The following BRINP1 variants were observed in gnomAD, a reference collection of about 807,000 sequenced individuals.
The protein encoded by BRINP1 is BMP/retinoic acid-inducible neural-specific protein 1.
A neutral mutation model predicts 72.9 loss-of-function variants in BRINP1; 17 were observed. The ratio of observed to expected loss-of-function variants is 0.23; its 90% CI spans 0.16 to 0.35. The LOEUF is 0.35. Ranked by LOEUF, BRINP1 falls within the 10% of genes least tolerant of loss-of-function variation. The probability of loss-of-function intolerance (pLI) is 1.00; values close to 1 mark genes in which losing one functional copy is unlikely to be tolerated. For missense variants in BRINP1, 850 were observed against 1,001.6 expected (o/e 0.85, Z 2.04); for synonymous variants, 418 against 378.5 (o/e 1.10, Z -1.21).
chr9:119,291,228 G>A (rs191697959), intron 2 of BRINP1, among the ~76,000 whole-genome samples: 17 of 152,168 alleles, frequency 1.1e-4, no homozygotes, highest in African/African-American at 4.1e-4. Context: ...CCAGGATAGA[G>A]CCTCCATTGT....
At chr9:119,207,238 G>A (rs1309588090) in intron 7 of BRINP1, among the ~76,000 whole-genome samples, 2 of 152,186 alleles carry the variant, frequency 1.3e-5, no homozygotes, top group African/African-American at 4.8e-5. Context: ...GCACCTCATC[G>A]GGGTAATTAG....
intron 4 of BRINP1, among the ~76,000 whole-genome samples, chr9:119,239,613 C>A (rs893743353): frequency 5.3e-5 from 8 of 152,150 alleles, no homozygotes; most frequent in African/African-American, 1.9e-4. Flanking sequence ...ACTTGGGAGG[C>A]AGCCACATGC....
chr9:119,229,729 A>T (rs184140933), intron 5 of BRINP1, among the ~76,000 whole-genome samples: 1 of 152,266 alleles, frequency 6.6e-6, no homozygotes, highest in Admixed American at 6.5e-5. Context: ...AATGGCATAC[A>T]GTAGGCCCTC....
At chr9:119,352,686 C>T (rs1004138066) in intron 1 of BRINP1, among the ~76,000 whole-genome samples, 8 of 152,142 alleles carry the variant, frequency 5.3e-5, no homozygotes, top group South Asian at 2.1e-4. Context: ...GGATTACAGG[C>T]GTGAGCCACC....
intron 7 of BRINP1, among the ~76,000 whole-genome samples, chr9:119,169,170 C>T (rs556491039): frequency 6.6e-6 from 1 of 152,328 alleles, no homozygotes; most frequent in Admixed American, 6.5e-5. Flanking sequence ...CAGCTCCCAG[C>T]GTGAGCGACG....
intron 1 of BRINP1, among the ~76,000 whole-genome samples, chr9:119,321,209 G>C (rs1374940963): frequency 6.6e-6 from 1 of 152,150 alleles, no homozygotes; most frequent in Admixed American, 6.5e-5. Context: ...GGGATTACAG[G>C]CGTGAGCCAC....
intron 7 of BRINP1, among the ~76,000 whole-genome samples, chr9:119,208,032 C>T (rs1194979886): frequency 1.3e-5 from 2 of 152,178 alleles, no homozygotes; most frequent in East Asian, 3.9e-4. Context: ...CTCCTTCCTT[C>T]TGTGCCCCTG....
At chr9:119,210,267 G>T (rs897884167) in intron 6 of BRINP1, among the ~76,000 whole-genome samples, 1 of 152,104 alleles carries the variant, frequency 6.6e-6, no homozygotes, top group African/African-American at 2.4e-5. Flanking sequence ...AAGGCCAATG[G>T]TTGGATTTAT....
Position 119,338,223 on chromosome 9 carries a change from GGTTTTT to G in BRINP1, c.-50-24824_-50-24819del, listed in dbSNP as rs753482862. ...TTAGTTTCTGGTATTCAGATTATGA[GGTTTTT>G]GTTTTTGTTTTTGTTTCTTTTTTTT... On this transcript the variant is annotated intron_variant, in intron 1 of 7. Transcript: ENST00000265922. 1.5e-3 allele frequency among the ~76,000 whole-genome samples: 186 copies of G among 122,560 alleles called. 1 individual carries two copies. The highest frequency in any genetic ancestry group is 7.8e-3 in the Middle Eastern group (2 of 258). 80.4% of individuals were successfully genotyped at this position (122,560 alleles called of 152,430 possible). A position where few individuals can be genotyped will look rare whatever the true frequency, so the allele number is the denominator to read the frequency against.
At chr9:119,314,004 A>T (rs1375276046) in intron 1 of BRINP1, among the ~76,000 whole-genome samples, 1 of 152,200 alleles carries the variant, frequency 6.6e-6, no homozygotes, top group East Asian at 1.9e-4. Flanking sequence ...CTTGTGATGG[A>T]TTATCATGAC....
intron 4 of BRINP1, among the ~76,000 whole-genome samples, chr9:119,240,677 T>C (rs1008380620): frequency 6.6e-6 from 1 of 152,196 alleles, no homozygotes; most frequent in East Asian, 1.9e-4. Flanking sequence ...TCTTTTCGGA[T>C]AAACTGGCCC....
At chr9:119,341,627 A>G (rs1831406920) in intron 1 of BRINP1, among the ~76,000 whole-genome samples, 1 of 152,216 alleles carries the variant, frequency 6.6e-6, no homozygotes, top group African/African-American at 2.4e-5. Context: ...ACTGTAGGCA[A>G]AGGTAAGTGT....
At chr9:119,209,292 G>A (rs952267118) in intron 6 of BRINP1, among the ~76,000 whole-genome samples, 1 of 152,182 alleles carries the variant, frequency 6.6e-6, no homozygotes, top group Non-Finnish European at 1.5e-5. Flanking sequence ...TGAAAACAAG[G>A]TTGGGTGCAG....
In BRINP1 at chr9:119,325,524, A is replaced by C. The variant is rs540872932; in HGVS notation, c.-50-12119T>G. ...CTTCTCCCTTCTCTCTAAACCTCAG[A>C]GCAATCTTACACTCTTCCCTTTGCC... On this transcript the variant is annotated intron_variant, in intron 1 of 7. Coordinates refer to ENST00000265922, the MANE Select transcript of BRINP1 (RefSeq NM_014618.3). 3.9e-5 allele frequency among the ~76,000 whole-genome samples: 6 copies of C among 152,242 alleles called. No individual in the cohort carries two copies. The South Asian group carries it at 1.0e-3, about 26-fold the overall frequency.
chr9:119,241,029 T>C (rs1440409853), intron 4 of BRINP1, among the ~76,000 whole-genome samples: 3 of 152,232 alleles, frequency 2.0e-5, no homozygotes, highest in Non-Finnish European at 4.4e-5. Flanking sequence ...ACATTCGCTT[T>C]ATAGAGGCTG....
chr9:119,232,652 T>C (rs1306097526), intron 5 of BRINP1, among the ~76,000 whole-genome samples: 4 of 152,132 alleles, frequency 2.6e-5, no homozygotes, highest in Non-Finnish European at 5.9e-5. Context: ...TACCTGACCA[T>C]ACAGTTGGTG....
rs565971866 is a variant in BRINP1, at chr9:119,256,177, A to G, written c.219-7027T>C. On this transcript the variant is annotated intron_variant, in intron 2 of 7. Transcript: ENST00000265922. ...TTGGTTTATACTTTGTAAAATGTAA[A>G]TGGTAGCTACCTTACAAGGACAGGC... 3.9e-5 allele frequency among the ~76,000 whole-genome samples: 6 copies of G among 152,264 alleles called. 1 individual carries two copies. The South Asian group carries it at 1.2e-3, about 32-fold the overall frequency.
intron 7 of BRINP1, among the ~76,000 whole-genome samples, chr9:119,195,983 G>T (rs758515647): frequency 6.6e-6 from 1 of 152,208 alleles, no homozygotes; most frequent in South Asian, 2.1e-4. Context: ...ATGAAAACTT[G>T]ACCTCTTCTT....
At chr9:119,355,864 A>G (rs1203212477) in intron 1 of BRINP1, among the ~76,000 whole-genome samples, 1 of 151,872 alleles carries the variant, frequency 6.6e-6, no homozygotes, top group Non-Finnish European at 1.5e-5. Flanking sequence ...TTCTCCAAAC[A>G]CTCTGATAAC....
Sources: allele counts gnomAD v4.1 joint callset (sites outside exome capture counted in the v4.1 genomes callset), GRCh38; gene constraint gnomAD v4.1.1; transcripts MANE v1.5; gene names NCBI Gene and HGNC (gene_info 2026-07-23, HGNC 2026-07-21).